Variants in SOX5 observed in about 807,000 individuals in gnomAD.
The protein encoded by SOX5 is SRY-box transcription factor 5.
In SOX5, 9 loss-of-function variants were observed where a neutral mutation model predicts 92.0. That is an observed-to-expected ratio of 0.10 (90% CI 0.06 to 0.17). The LOEUF is 0.17. Ranked by LOEUF, SOX5 falls within the 10% of genes least tolerant of loss-of-function variation. The pLI, the probability that SOX5 is intolerant of heterozygous loss-of-function variation, is 1.00. For missense variants in SOX5, 642 were observed against 944.5 expected (o/e 0.68, Z 4.20); for synonymous variants, 344 against 336.3 (o/e 1.02, Z -0.25).
At chr12:23,916,982 G>GT (rs1266251987) in intron 1 of SOX5, among the ~76,000 whole-genome samples, 1 of 152,098 alleles carries the variant, frequency 6.6e-6, no homozygotes, top group Admixed American at 6.6e-5. Context: ...TAAGAAAATT[G>GT]TTGAAAGGTA....
rs566397748 is a variant in SOX5, at chr12:23,940,305, T to A, written c.38+9259A>T. Among the ~76,000 whole-genome samples the A allele has an allele frequency of 4.0e-5, 6 of 151,354 alleles. No homozygotes were observed. The East Asian group carries it at 1.2e-3, about 29-fold the overall frequency. On this transcript the variant is annotated intron_variant, in intron 1 of 14. Transcript: ENST00000451604. ...CCTAATCCTAAATAAGAATTATACA[T>A]GGTATTTAGATTAAAAACTCCTAAG...
intron 4 of SOX5, among the ~76,000 whole-genome samples, chr12:24,125,729 C>G (rs1425282696): frequency 6.6e-6 from 1 of 152,194 alleles, no homozygotes; most frequent in Non-Finnish European, 1.5e-5. Context: ...TCTATTTCAT[C>G]TTAAAAACCT....
chr12:23,592,738 A>G (rs1435009021), intron 9 of SOX5, among the ~76,000 whole-genome samples: 1 of 152,214 alleles, frequency 6.6e-6, no homozygotes, highest in Non-Finnish European at 1.5e-5. Flanking sequence ...TTCTTATTTC[A>G]GTATAGACAA....
intron 2 of SOX5, among the ~76,000 whole-genome samples, chr12:23,864,044 A>C (rs2096785616): frequency 6.6e-6 from 1 of 151,298 alleles, no homozygotes; most frequent in Non-Finnish European, 1.5e-5. Flanking sequence ...GTTTATTGGG[A>C]TCATTTTTAC....
At chr12:24,325,657 A>G (rs965452988) in intron 2 of SOX5, among the ~76,000 whole-genome samples, 15 of 152,244 alleles carry the variant, frequency 9.9e-5, no homozygotes, top group African/African-American at 2.9e-4. Context: ...ATGCATTTAC[A>G]TGATAGTGGA....
chr12:23,966,391 G>T (rs1029096259), intron 4 of SOX5, among the ~76,000 whole-genome samples: 1 of 151,862 alleles, frequency 6.6e-6, no homozygotes, highest in Non-Finnish European at 1.5e-5. Flanking sequence ...TTTAATTCTG[G>T]GGTGAAAATG....
At chr12:23,653,017 T>TG (rs751375778) in intron 7 of SOX5, among the ~76,000 whole-genome samples, 9 of 148,388 alleles carry the variant, frequency 6.1e-5, no homozygotes, top group Non-Finnish European at 1.3e-4. Flanking sequence ...GATGGATGGA[T>TG]GAATGTACAG....
chr12:24,419,061 A>G (rs1227843547), intron 1 of SOX5, among the ~76,000 whole-genome samples: 1 of 152,146 alleles, frequency 6.6e-6, no homozygotes, highest in African/African-American at 2.4e-5. Flanking sequence ...TCATGAACAC[A>G]AAACACTGGA....
chr12:24,548,055 A>G (rs925668621), intron 1 of SOX5, among the ~76,000 whole-genome samples: 4 of 152,190 alleles, frequency 2.6e-5, no homozygotes, highest in Admixed American at 2.6e-4. Context: ...AGTACCTTGC[A>G]TTCATTCTAT....
chr12:24,179,812 T>A (rs1434230093), intron 4 of SOX5, among the ~76,000 whole-genome samples: 1 of 152,046 alleles, frequency 6.6e-6, no homozygotes, highest in East Asian at 1.9e-4. Flanking sequence ...TAGGATAGGA[T>A]GTGTTTATCA....
intron 4 of SOX5, among the ~76,000 whole-genome samples, chr12:24,095,509 T>C (rs1372534336): frequency 6.6e-6 from 1 of 151,940 alleles, no homozygotes; most frequent in African/African-American, 2.4e-5. Context: ...AGTTTCCTGA[T>C]AGAAAATTCC....
intron 3 of SOX5, among the ~76,000 whole-genome samples, chr12:24,216,496 T>TA (rs905466043): frequency 1.3e-5 from 2 of 150,636 alleles, no homozygotes; most frequent in African/African-American, 2.4e-5. Flanking sequence ...AAAAAAAAAA[T>TA]AAAAAATCCC....
At chr12:23,597,438 C>A (rs563241752) in intron 9 of SOX5, among the ~76,000 whole-genome samples, 1 of 152,078 alleles carries the variant, frequency 6.6e-6, no homozygotes, top group Non-Finnish European at 1.5e-5. Flanking sequence ...TGTTTAAGTA[C>A]CTAGCTGTTT....
At chr12:23,709,728 G>T (rs1021548517) in intron 6 of SOX5, among the ~76,000 whole-genome samples, 1 of 152,116 alleles carries the variant, frequency 6.6e-6, no homozygotes, top group African/African-American at 2.4e-5. Flanking sequence ...GTATGTGTTT[G>T]TGTTTCTGTT....
At chr12:23,951,764 C>T (rs1945678667), upstream of SOX5, among the ~76,000 whole-genome samples, 1 of 152,058 alleles carries the variant, frequency 6.6e-6, no homozygotes, top group Non-Finnish European at 1.5e-5. Flanking sequence ...AAGCTGTTAA[C>T]AAGGGATGTG....
intron 1 of SOX5, among the ~76,000 whole-genome samples, chr12:24,444,270 ATGTG>A (rs56206607): frequency 0.3 from 44,246 of 149,088 alleles, 6,936 homozygotes; most frequent in Non-Finnish European, 0.37. Context: ...AGGCCACTGA[ATGTG>A]TGTGTGTGTG....
chr12:23,894,999 A>C (rs759646812), intron 2 of SOX5, among the ~76,000 whole-genome samples: 91 of 152,082 alleles, frequency 6.0e-4, no homozygotes, highest in Non-Finnish European at 1.6e-4. Context: ...CCTTCTTAAC[A>C]TTATGATTCT....
chr12:24,375,769 T>G (rs1047751077), intron 1 of SOX5, among the ~76,000 whole-genome samples: 1 of 151,310 alleles, frequency 6.6e-6, no homozygotes, highest in Admixed American at 6.6e-5. Flanking sequence ...GAATACATTA[T>G]GGAAACAGCT....
intron 1 of SOX5, among the ~76,000 whole-genome samples, chr12:24,481,632 T>G (rs1946009669): frequency 6.6e-6 from 1 of 152,206 alleles, no homozygotes; most frequent in East Asian, 1.9e-4. Context: ...ACTCATTTAA[T>G]TCTCAGAGCT....
Sources: gnomAD v4.1 joint callset for allele counts (sites outside exome capture counted in the v4.1 genomes callset) on GRCh38, gnomAD v4.1.1 for gene constraint, MANE v1.5 for transcripts, NCBI Gene and HGNC (gene_info 2026-07-23, HGNC 2026-07-21) for gene names.